Variants in SSH1 observed in about 807,000 individuals in gnomAD.
SSH1 encodes protein phosphatase Slingshot homolog 1.
Under a neutral mutation model 79.7 loss-of-function variants are expected in SSH1, and 43 were observed. That is an observed-to-expected ratio of 0.54 (90% CI 0.42 to 0.70). The LOEUF (loss-of-function observed/expected upper bound fraction) is 0.70. Among genes scored for constraint, SSH1 ranks in the 30% least tolerant of loss-of-function variants. SSH1 has a pLI of 0.00. For missense variants in SSH1, 1,206 were observed against 1,358.8 expected (o/e 0.89, Z 1.77); for synonymous variants, 599 against 538.3 (o/e 1.11, Z -1.56).
rs1239742872 is a variant in SSH1 at position 108,788,307 on chromosome 12, A to C, written c.2831T>G (p.Val944Gly). The C allele has an allele frequency of 6.2e-7, 1 of 1,613,464 alleles. No homozygotes were observed. Among genetic ancestry groups the C allele is most frequent in the Non-Finnish European group, 8.5e-7 (1 of 1,179,940 alleles). Residue 944 changes from valine (V) to glycine (G), a missense_variant, in exon 15 of 15, where the codon GTC becomes GGC. Physicochemically the swap from Val to Gly is moderately radical, Grantham distance 109. Transcript: ENST00000326495. Reference protein sequence around the residue: ...RSSSSDSIHSVRGKPGLVKQR... With the variant: ...RSSSSDSIHSGRGKPGLVKQR... The stretch of plus-strand genomic sequence containing the variant: ...CTTCACCAGCCCGGGCTTCCCACGG[A>C]CACTGTGGATGCTATCGCTGCTGGA...
intron 14 of SSH1, among the ~76,000 whole-genome samples, chr12:108,789,605 T>A (rs1021523118): frequency 4.6e-5 from 7 of 152,226 alleles, no homozygotes; most frequent in Non-Finnish European, 7.4e-5. Context: ...GGGAATGGAC[T>A]AGAAAGCTGT....
At chr12:108,832,739 C>G (rs766548623) in intron 2 of SSH1, among the ~76,000 whole-genome samples, 1 of 152,190 alleles carries the variant, frequency 6.6e-6, no homozygotes, top group Non-Finnish European at 1.5e-5. Context: ...GCCAAGGTCT[C>G]GTTCTTCTTC....
intron 7 of SSH1, among the ~76,000 whole-genome samples, chr12:108,809,473 G>A (rs1208943887): frequency 2.8e-5 from 4 of 145,442 alleles, no homozygotes; most frequent in Admixed American, 6.8e-5. Flanking sequence ...AAAAAAAAAC[G>A]AGAAACCCCA....
At chr12:108,827,434 A>C (rs1295269067) in intron 2 of SSH1, 2 of 1,331,662 alleles carry the variant, frequency 1.5e-6, no homozygotes, top group Non-Finnish European at 1.9e-6. Flanking sequence ...AGGAAAAGCC[A>C]GGAGGCTGCC....
At position 108,792,808 on chromosome 12, in the gene SSH1, C is replaced by G. The variant is rs748365415; in HGVS notation, c.1371G>C (p.Leu457=). The G allele has an allele frequency of 6.2e-7, 1 of 1,613,694 alleles. No homozygotes were observed. Among genetic ancestry groups the G allele is most frequent in the South Asian group, 1.1e-5 (1 of 91,078 alleles). The part of the protein sequence containing the change: ...LDASKQRHNK[L]WRQQTDSSLQ... ...GGCTGCTGTCTGTCTGCTGACGCCA[C>G]AGCTTGTTGTGCCGCTGTTTGCTGC... Residue 457 remains leucine (L), a synonymous_variant, in exon 14 of 15, where the codon CTG becomes CTC. Transcript: ENST00000326495.
intron 5 of SSH1, 87 bp from the exon 6 acceptor site, chr12:108,811,415 G>A: frequency 8.1e-7 from 1 of 1,234,248 alleles, no homozygotes; most frequent in Non-Finnish European, 1.2e-6. Flanking sequence ...GTCCAGGACG[G>A]GCTGTTGGAC....
chr12:108,842,362 C>T (rs1256038561), intron 2 of SSH1, among the ~76,000 whole-genome samples: 1 of 152,240 alleles, frequency 6.6e-6, no homozygotes, highest in African/African-American at 2.4e-5. Context: ...CCCTGAATCA[C>T]AGCAGCCTGC....
intron 2 of SSH1, among the ~76,000 whole-genome samples, chr12:108,839,143 G>A (rs2038715130): frequency 6.6e-6 from 1 of 152,108 alleles, no homozygotes. Flanking sequence ...CCATATTTAG[G>A]CACTAAATAC....
At chr12:108,836,613 A>G (rs923231787) in intron 2 of SSH1, among the ~76,000 whole-genome samples, 2 of 152,248 alleles carry the variant, frequency 1.3e-5, no homozygotes, top group Non-Finnish European at 2.9e-5. Context: ...AGAAAAATAC[A>G]AAGAATTGAA....
rs535700368 is a variant in SSH1, at chr12:108,831,150, G to A, written c.111-7789C>T. On this transcript the variant is annotated intron_variant, in intron 2 of 14. Transcript: ENST00000326495. The stretch of plus-strand genomic sequence containing the variant: ...AAGTAGAGAATATGAGCCTGAAGAA[G>A]AGGCCCTGTAAAGGGTCCCAGATTG... 5.3e-5 allele frequency among the ~76,000 whole-genome samples: 8 copies of A among 152,300 alleles called. No homozygotes were observed. The East Asian group carries it at 1.5e-3, about 29-fold the overall frequency.
At chr12:108,827,743 CA>C (rs773587760) in intron 2 of SSH1, among the ~76,000 whole-genome samples, 11 of 152,332 alleles carry the variant, frequency 7.2e-5, no homozygotes, top group Admixed American at 3.3e-4. Context: ...CCTTCCGATT[CA>C]AATCAACATT....
chr12:108,852,709 C>T (rs763951181), intron 1 of SSH1, 31 bp from the exon 2 acceptor site: 5 of 1,613,990 alleles, frequency 3.1e-6, no homozygotes, highest in Non-Finnish European at 2.5e-6. Context: ...TATCACACCA[C>T]AGGCACCACT....
In SSH1 at chr12:108,788,121, T is replaced by C; in HGVS notation, c.3017A>G (p.Asp1006Gly). 6.2e-7 allele frequency: 1 copy of C among 1,613,978 alleles called. No individual in the cohort carries two copies. The highest frequency in any genetic ancestry group is 8.5e-7 in the Non-Finnish European group (1 of 1,179,996). The change falls in exon 15 of 15, where the codon GAC (aspartate) becomes GGC (glycine). Residue 1006 changes from aspartate (D) to glycine (G), a missense_variant. By Grantham distance (94) the Asp-to-Gly change is moderately conservative. This residue lies in a region of SSH1 where 709 missense variants were observed against 730.6 expected (regional missense o/e 0.97). Coordinates refer to ENST00000326495, the MANE Select transcript of SSH1 (RefSeq NM_018984.4). ...GAAGGAAGATTCACTCAAAGTGGTG[T>C]CCTGGGAGTCAGCGACGGTGGACGG... is the stretch of plus-strand genomic sequence containing the variant. Reference protein sequence around the residue: ...ADPSTVADSQDTTLSESSFLH... With the variant: ...ADPSTVADSQGTTLSESSFLH...
intron 13 of SSH1, among the ~76,000 whole-genome samples, chr12:108,798,080 G>A (rs2036828221): frequency 6.6e-6 from 1 of 152,240 alleles, no homozygotes; most frequent in Admixed American, 6.5e-5. Context: ...ACTCCTGCCA[G>A]AGCAAAGAGG....
chr12:108,813,779 G>A (rs1203254837), intron 5 of SSH1, among the ~76,000 whole-genome samples: 9 of 146,804 alleles, frequency 6.1e-5, no homozygotes, highest in African/African-American at 2.2e-4. Flanking sequence ...GAAGGGAAGG[G>A]AAGGGGAAGG....
intron 2 of SSH1, among the ~76,000 whole-genome samples, chr12:108,850,791 G>A (rs1346986669): frequency 1.4e-5 from 2 of 140,298 alleles, no homozygotes; most frequent in Non-Finnish European, 1.6e-5. Flanking sequence ...GAGGGATCTG[G>A]GGAAGGGGAT....
chr12:108,790,634 G>A (rs1249497468), intron 14 of SSH1, among the ~76,000 whole-genome samples: 1 of 152,224 alleles, frequency 6.6e-6, no homozygotes, highest in Non-Finnish European at 1.5e-5. Flanking sequence ...TGGTAGGCAG[G>A]GAAGTGGGGG....
Position 108,807,620 on chromosome 12 carries a change from G to C in SSH1, c.731+13C>G, listed in dbSNP as rs768213745. On this transcript the variant is annotated intron_variant, in intron 8 of 14. Coordinates refer to ENST00000326495, the MANE Select transcript of SSH1 (RefSeq NM_018984.4). The surrounding 1 kb of genome is among the most constrained non-coding windows in gnomAD (Gnocchi z 5.2). ...GGGCTTGGGTGCGCTCACACCAGAGGCACCTCACTTACTTGTCCACAAATA... is the reference window on the plus strand; with the variant it reads ...GGGCTTGGGTGCGCTCACACCAGAGCCACCTCACTTACTTGTCCACAAATA... 4 of 1,611,936 alleles carry C rather than the reference G, an allele frequency of 2.5e-6. No individual in the cohort carries two copies. In the African/African-American group the frequency reaches 5.4e-5, roughly 22 times the overall value.
In SSH1 at chr12:108,788,851, C is replaced by A; in HGVS notation, c.2287G>T (p.Asp763Tyr). The A allele has an allele frequency of 6.2e-7, 1 of 1,614,198 alleles. No homozygotes were observed. Reference sequence around the variant, plus strand: ...ACTTCTGTGCTGGGAGGGTTCTTATCACAGTGAGAATTCTTCAAAAGGAGG... The same window carrying A: ...ACTTCTGTGCTGGGAGGGTTCTTATAACAGTGAGAATTCTTCAAAAGGAGG... ...KSLLLKNSHC[D>Y]KNPPSTEVVI... is the part of the protein sequence containing the mutation. Residue 763 changes from aspartate (D) to tyrosine (Y), a missense_variant, in exon 15 of 15, where the codon GAT becomes TAT. Physicochemically the swap from Asp to Tyr is radical, Grantham distance 160. Around this residue, in one of 5 missense-constraint regions of SSH1, gnomAD observed 709 missense variants for 730.6 expected, o/e 0.97. Transcript: ENST00000326495.
Sources: gnomAD v4.1 joint callset for allele counts (sites outside exome capture counted in the v4.1 genomes callset) on GRCh38, gnomAD v4.1.1 for gene constraint, gnomAD v4.1.1 regional missense constraint, Gnocchi (gnomAD v3.1) non-coding constraint, MANE v1.5 for transcripts, NCBI Gene and HGNC (gene_info 2026-07-23, HGNC 2026-07-21) for gene names.